The following MSRA variants were observed in gnomAD, a reference collection of about 807,000 sequenced individuals.
The protein encoded by MSRA is mitochondrial peptide methionine sulfoxide reductase.
A neutral mutation model predicts 31.3 loss-of-function variants in MSRA; 54 were observed. That is an observed-to-expected ratio of 1.73 (90% CI 1.39 to 2.17). The LOEUF is 2.17. MSRA is among the 30% of genes most tolerant of loss of function. MSRA has a pLI of 0.00. For missense variants in MSRA, 507 were observed against 300.9 expected (o/e 1.69, Z -5.07); for synonymous variants, 169 against 116.5 (o/e 1.45, Z -2.90).
intron 1 of MSRA, among the ~76,000 whole-genome samples, chr8:10,183,631 G>C (rs1350388226): frequency 6.6e-6 from 1 of 152,146 alleles, no homozygotes; most frequent in Non-Finnish European, 1.5e-5. Context: ...GCTGATCTCT[G>C]GCTAGGTTAT....
intron 4 of MSRA, among the ~76,000 whole-genome samples, chr8:10,316,335 A>T (rs566798074): frequency 1.7e-4 from 26 of 152,224 alleles, no homozygotes; most frequent in African/African-American, 6.3e-4. Flanking sequence ...GGCCTTCAAC[A>T]GGCAACCAGC....
chr8:10,424,982 A>T (rs1368096340), intron 5 of MSRA, among the ~76,000 whole-genome samples: 1 of 152,152 alleles, frequency 6.6e-6, no homozygotes, highest in Non-Finnish European at 1.5e-5. Context: ...GCGGAGGGAG[A>T]CCTCGCAGAA....
chr8:10,139,720 G>A (rs1802547485), intron 1 of MSRA, among the ~76,000 whole-genome samples: 2 of 152,164 alleles, frequency 1.3e-5, no homozygotes, highest in Non-Finnish European at 2.9e-5. Context: ...GTAGTCCACT[G>A]TATGTATGTA....
chr8:10,171,394 T>A (rs547421345), intron 1 of MSRA, among the ~76,000 whole-genome samples: 4 of 151,982 alleles, frequency 2.6e-5, no homozygotes, highest in Admixed American at 2.6e-4. Flanking sequence ...TAACAGAGCT[T>A]TAAGGAAATG....
chr8:10,358,467 G>A (rs868750586), intron 5 of MSRA, among the ~76,000 whole-genome samples: 2 of 149,588 alleles, frequency 1.3e-5, no homozygotes, highest in African/African-American at 4.9e-5. Flanking sequence ...CCCCGGTTCT[G>A]GCCTATGGCC....
At chr8:10,112,461 G>A (rs1800361656) in intron 1 of MSRA, among the ~76,000 whole-genome samples, 1 of 152,164 alleles carries the variant, frequency 6.6e-6, no homozygotes, top group South Asian at 2.1e-4. Flanking sequence ...GCCTGCCACA[G>A]TCACAGTTCT....
At position 10,054,615 on chromosome 8, in the gene MSRA, C is replaced by T. The variant is rs1475016255; in HGVS notation, c.99C>T (p.Pro33=). Reference sequence around the variant, plus strand: ...ACTCGGCCTCGAACATCGTCAGCCCCCAGGAGGCCTTGCCGGGCCGGAAGG... The same window carrying T: ...ACTCGGCCTCGAACATCGTCAGCCCTCAGGAGGCCTTGCCGGGCCGGAAGG... ...MGNSASNIVS[P]QEALPGRKEQ... Residue 33 remains proline, a synonymous_variant, in exon 1 of 6, where the codon CCC becomes CCT. Transcript: ENST00000317173. The T allele has an allele frequency of 6.3e-7, 1 of 1,577,672 alleles. No homozygotes were observed. The highest frequency in any genetic ancestry group is 1.1e-5 in the South Asian group (1 of 87,872).
intron 1 of MSRA, among the ~76,000 whole-genome samples, chr8:10,160,852 A>T (rs1804577310): frequency 6.6e-6 from 1 of 152,250 alleles, no homozygotes; most frequent in Non-Finnish European, 1.5e-5. Context: ...AAAAAACATG[A>T]ATCCAAGAAG....
At chr8:10,083,185 T>C (rs2409632) in intron 1 of MSRA, among the ~76,000 whole-genome samples, 81,516 of 152,044 alleles carry the variant, frequency 0.54, 23,787 homozygotes, top group Middle Eastern at 0.67. Context: ...CAGAGATTTT[T>C]AAAGGGCCCA....
intron 3 of MSRA, among the ~76,000 whole-genome samples, chr8:10,272,924 C>T (rs1187620405): frequency 6.6e-6 from 1 of 152,050 alleles, no homozygotes; most frequent in African/African-American, 2.4e-5. Flanking sequence ...AGAAACTGCA[C>T]AAGTTAGAAG....
intron 5 of MSRA, among the ~76,000 whole-genome samples, chr8:10,392,253 T>C (rs1806792085): frequency 6.6e-6 from 1 of 152,212 alleles, no homozygotes; most frequent in South Asian, 2.1e-4. Context: ...CTCTTAAATT[T>C]TAAGAACTTA....
At chr8:10,096,066 A>G (rs1200646564) in intron 1 of MSRA, 3 of 1,388,606 alleles carry the variant, frequency 2.2e-6, no homozygotes, top group South Asian at 3.5e-5. Context: ...ATTTTATTTT[A>G]TTTTATTTTT....
At chr8:10,347,413 T>C (rs1042503394) in intron 5 of MSRA, among the ~76,000 whole-genome samples, 2 of 152,202 alleles carry the variant, frequency 1.3e-5, no homozygotes, top group Admixed American at 6.5e-5. Flanking sequence ...CCATTCCTTC[T>C]TGTGATGTCC....
At chr8:10,399,547 A>G (rs1255230995) in intron 5 of MSRA, among the ~76,000 whole-genome samples, 2 of 150,782 alleles carry the variant, frequency 1.3e-5, no homozygotes, top group African/African-American at 4.9e-5. Flanking sequence ...ATAAGTAAAA[A>G]CCCCCTGAGG....
chr8:10,395,681 T>C (rs1807052924), intron 5 of MSRA, among the ~76,000 whole-genome samples: 1 of 152,146 alleles, frequency 6.6e-6, no homozygotes, highest in Non-Finnish European at 1.5e-5. Context: ...ATGCTGAGAA[T>C]GTCTGCACAT....
rs372348249 is a variant in MSRA, at chr8:10,120,395, C to A, written c.142+65737C>A. On this transcript the variant is annotated intron_variant, in intron 1 of 5. Coordinates refer to ENST00000317173, the MANE Select transcript of MSRA (RefSeq NM_012331.5). ...ACTCTAAGACCTGTAATTTGCCCATCCGTGTCTGGTTTCTGACACTGGCAC... is the reference window on the plus strand; with the variant it reads ...ACTCTAAGACCTGTAATTTGCCCATACGTGTCTGGTTTCTGACACTGGCAC... Among the ~76,000 whole-genome samples, 27 of 152,266 alleles carry A rather than the reference C, an allele frequency of 1.8e-4. No individual in the cohort carries two copies. The South Asian group carries it at 5.4e-3, about 30-fold the overall frequency.
chr8:10,277,653 A>C (rs1234569659), intron 3 of MSRA, among the ~76,000 whole-genome samples: 2 of 152,326 alleles, frequency 1.3e-5, no homozygotes, highest in Non-Finnish European at 2.9e-5. Context: ...AAAGAGCCTC[A>C]AATAACCCAA....
At chr8:10,110,985 AT>A (rs1270218382) in intron 1 of MSRA, among the ~76,000 whole-genome samples, 5 of 152,256 alleles carry the variant, frequency 3.3e-5, no homozygotes, top group African/African-American at 1.2e-4. Context: ...GGAAAGTCAC[AT>A]TTTTATGTAG....
At chr8:10,136,726 C>G (rs1802311289) in intron 1 of MSRA, among the ~76,000 whole-genome samples, 1 of 152,224 alleles carries the variant, frequency 6.6e-6, no homozygotes, top group Non-Finnish European at 1.5e-5. Context: ...CAGGAGCCCA[C>G]TCGGGGTCAG....
Sources: gnomAD v4.1 joint callset for allele counts (sites outside exome capture counted in the v4.1 genomes callset) on GRCh38, gnomAD v4.1.1 for gene constraint, MANE v1.5 for transcripts, NCBI Gene and HGNC (gene_info 2026-07-23, HGNC 2026-07-21) for gene names.